NF1: variants seen among roughly 807,000 people sequenced by gnomAD.
NF1 encodes the protein neurofibromin 1, also known as neurofibromin.
Under a neutral mutation model 325.7 loss-of-function variants are expected in NF1, and 122 were observed. The ratio of observed to expected loss-of-function variants is 0.37; its 90% confidence interval spans 0.32 to 0.44. The LOEUF (loss-of-function observed/expected upper bound fraction) is 0.44. Among genes scored for constraint, NF1 ranks in the 20% least tolerant of loss-of-function variants. The probability of loss-of-function intolerance (pLI) is 1.00; values close to 1 mark genes in which losing one functional copy is unlikely to be tolerated. For synonymous variants in NF1, 1,091 were observed against 1,186.0 expected (o/e 0.92, Z 1.65); for missense variants, 2,140 against 3,415.4 (o/e 0.63, Z 9.31).
intron 36 of NF1, among the ~76,000 whole-genome samples, chr17:31,291,043 AG>A (rs1302796923): frequency 6.6e-6 from 1 of 150,870 alleles, no homozygotes; most frequent in Non-Finnish European, 1.5e-5. Context: ...TAAATAAATA[AG>A]TTAATGTAAC....
At chr17:31,249,870 G>C in intron 30 of NF1, 1 of 451,578 alleles carries the variant, frequency 2.2e-6, no homozygotes, top group South Asian at 1.6e-5. Flanking sequence ...AGAAACATTA[G>C]TGGGTCTGGA....
At chr17:31,135,115 T>G (rs1294343696) in intron 1 of NF1, among the ~76,000 whole-genome samples, 1 of 152,208 alleles carries the variant, frequency 6.6e-6, no homozygotes, top group Admixed American at 6.5e-5. Context: ...GTTCAACTCT[T>G]CTAAATTCTG....
chr17:31,349,622 A>G (rs946771858), intron 49 of NF1, among the ~76,000 whole-genome samples: 1 of 152,112 alleles, frequency 6.6e-6, no homozygotes, highest in Non-Finnish European at 1.5e-5. Context: ...ACCACTCCAA[A>G]TGGATGAGCT....
chr17:31,207,464 C>G (rs1428279968), intron 12 of NF1, among the ~76,000 whole-genome samples: 1 of 152,012 alleles, frequency 6.6e-6, no homozygotes, highest in Non-Finnish European at 1.5e-5. Context: ...ATCCAGTTGT[C>G]AGTAATTATT....
At chr17:31,139,326 C>T (rs1567807267) in intron 1 of NF1, among the ~76,000 whole-genome samples, 1 of 151,440 alleles carries the variant, frequency 6.6e-6, no homozygotes, top group African/African-American at 2.4e-5. Context: ...GGGATTACAG[C>T]ATGAGTCATT....
intron 48 of NF1, among the ~76,000 whole-genome samples, chr17:31,348,902 A>G (rs1266917844): frequency 2.6e-5 from 4 of 152,028 alleles, no homozygotes; most frequent in Admixed American, 1.3e-4. Flanking sequence ...TCTAGGGAAT[A>G]TTATATTCTA....
chr17:31,265,361 G>A, intron 36 of NF1, 22 bp downstream of exon 36: 3 of 1,556,244 alleles, frequency 1.9e-6, no homozygotes, highest in Non-Finnish European at 1.8e-6. Context: ...TATGTTTTGG[G>A]TCTCTTAACA....
chr17:31,205,350 A>G (rs1236836947), intron 11 of NF1, among the ~76,000 whole-genome samples: 2 of 152,168 alleles, frequency 1.3e-5, no homozygotes, highest in Non-Finnish European at 2.9e-5. Context: ...CATCTGGAGT[A>G]TTATAAATTA....
chr17:31,156,157 A>G (rs771096067), intron 2 of NF1, 31 bp downstream of exon 2: 8 of 1,611,810 alleles, frequency 5.0e-6, no homozygotes, highest in Non-Finnish European at 6.8e-6. Context: ...GTTTTGGGGA[A>G]TTTGCTTTCT....
At chr17:31,339,464 G>C (rs2069763774) in intron 46 of NF1, among the ~76,000 whole-genome samples, 2 of 152,308 alleles carry the variant, frequency 1.3e-5, no homozygotes, top group East Asian at 3.9e-4. Context: ...TTACCATCCA[G>C]TTCTAAAGTG....
chr17:31,240,796 T>C (rs2067283469), intron 29 of NF1, among the ~76,000 whole-genome samples: 1 of 152,180 alleles, frequency 6.6e-6, no homozygotes, highest in South Asian at 2.1e-4. Context: ...TGATATCTCA[T>C]TGTAGTTTTG....
At chr17:31,193,659 C>T (rs1449594469) in intron 8 of NF1, among the ~76,000 whole-genome samples, 1 of 150,770 alleles carries the variant, frequency 6.6e-6, no homozygotes, top group Non-Finnish European at 1.5e-5. Context: ...ACTCTGATAT[C>T]TCAACAGCAA....
chr17:31,238,222 C>T (rs1194774922), intron 29 of NF1, among the ~76,000 whole-genome samples: 1 of 152,064 alleles, frequency 6.6e-6, no homozygotes, highest in Non-Finnish European at 1.5e-5. Context: ...CCTCCAGAAG[C>T]CTCATCAGGC....
chr17:31,281,287 A>G (rs1043219243), intron 36 of NF1, among the ~76,000 whole-genome samples: 2 of 152,212 alleles, frequency 1.3e-5, no homozygotes, highest in Non-Finnish European at 2.9e-5. Flanking sequence ...TGTTTATGAC[A>G]CATTGTTGAA....
chr17:31,255,444 T>G (rs535835415), intron 31 of NF1, among the ~76,000 whole-genome samples: 1 of 152,196 alleles, frequency 6.6e-6, no homozygotes, highest in Non-Finnish European at 1.5e-5. Flanking sequence ...CTTTTATAAG[T>G]TGACTTACGA....
chr17:31,176,682 G>A (rs2066028759), intron 5 of NF1, among the ~76,000 whole-genome samples: 1 of 152,138 alleles, frequency 6.6e-6, no homozygotes, highest in South Asian at 2.1e-4. Flanking sequence ...GTTAATTATT[G>A]TATAAGGTGT....
chr17:31,241,723 C>T (rs1567855224), intron 29 of NF1, among the ~76,000 whole-genome samples: 1 of 152,176 alleles, frequency 6.6e-6, no homozygotes, highest in Non-Finnish European at 1.5e-5. Flanking sequence ...CTGTCTGTAT[C>T]TTGAAAAGCT....
At chr17:31,099,963 C>CT (rs1912158589) in intron 1 of NF1, among the ~76,000 whole-genome samples, 1 of 145,710 alleles carries the variant, frequency 6.9e-6, no homozygotes, top group Non-Finnish European at 1.5e-5. Context: ...TCCTGTAGAG[C>CT]TTTATTTCTG....
intron 36 of NF1, among the ~76,000 whole-genome samples, chr17:31,288,520 T>TTG (rs1479289782): frequency 2.8e-5 from 3 of 109,026 alleles, no homozygotes; most frequent in African/African-American, 1.9e-4. Flanking sequence ...TTTTTTTGCT[T>TTG]TGTTTTTTTT....
Sources: allele counts gnomAD v4.1 joint callset (sites outside exome capture counted in the v4.1 genomes callset), GRCh38; gene constraint gnomAD v4.1.1; transcripts MANE v1.5; gene names NCBI Gene and HGNC (gene_info 2026-07-23, HGNC 2026-07-21).